Variants in CARD10 observed in about 807,000 individuals in gnomAD.
CARD10 encodes the protein caspase recruitment domain-containing protein 10.
In CARD10, 49 loss-of-function variants were observed where a neutral mutation model predicts 114.6. That is an observed-to-expected ratio of 0.43 (90% confidence interval 0.34 to 0.54). CARD10 has a LOEUF of 0.54. CARD10 is among the 20% of genes least tolerant of loss of function. The pLI, the probability that CARD10 is intolerant of heterozygous loss-of-function variation, is 0.03. For synonymous variants in CARD10, 602 were observed against 593.2 expected, an observed-to-expected ratio of 1.01 and a Z score of -0.21; for missense variants, 1,206 against 1,397.2, an observed-to-expected ratio of 0.86 and a Z score of 2.18.
chr22:37,497,730 G>T (rs759867945), intron 11 of CARD10, among the ~76,000 whole-genome samples: 40 of 152,038 alleles, frequency 2.6e-4, no homozygotes, highest in Non-Finnish European at 3.2e-4. Flanking sequence ...CGGGCGTGGT[G>T]GTGGGCGCCT....
rs774723864 is a variant in CARD10 at position 37,518,130 on chromosome 22, T to A, written c.236-22A>T. Reference sequence around the variant, plus strand: ...CGCCCTACAGAGTAGTGGGGGGATGTACCCAGGGTCTAGGGGAAGGCCTCC... The same window carrying A: ...CGCCCTACAGAGTAGTGGGGGGATGAACCCAGGGTCTAGGGGAAGGCCTCC... On this transcript the variant is annotated intron_variant, in intron 1 of 19. Coordinates refer to ENST00000251973, the MANE Select transcript of CARD10 (RefSeq NM_014550.4). 6 of 1,608,482 alleles carry A rather than the reference T, an allele frequency of 3.7e-6. No individual in the cohort carries two copies. In the African/African-American group the frequency reaches 6.7e-5, roughly 18 times the overall value.
Position 37,496,080 on chromosome 22 carries a change from C to T in CARD10, c.2060-77G>A, listed in dbSNP as rs993016583. 25 of 1,564,182 alleles carry T rather than the reference C, an allele frequency of 1.6e-5. No homozygotes were observed. The East Asian group carries it at 5.6e-4, about 35-fold the overall frequency. On this transcript the variant is annotated intron_variant, in intron 13 of 19. Transcript: ENST00000251973. This position sits in a 1 kb window ranked among gnomAD's most constrained non-coding sequence, Gnocchi z 4.1. ...AGGTCCAGGATCGGCCTTGGTGGGG[C>T]CAAAGACATGGCCCTCTCGAGGCCT... is the stretch of plus-strand genomic sequence containing the variant.
Position 37,502,632 on chromosome 22 carries a change from G to A in CARD10, c.1757C>T (p.Ala586Val). The A allele has an allele frequency of 6.2e-7, 1 of 1,613,930 alleles. No homozygotes were observed. Among genetic ancestry groups the A allele is most frequent in the South Asian group, 1.1e-5 (1 of 91,084 alleles). ...GAGGAAGTCCAGGCCACAGCCCCGAGCCAGGAGGCCTTCCGGCTTTCCCAA... is the reference window on the plus strand; with the variant it reads ...GAGGAAGTCCAGGCCACAGCCCCGAACCAGGAGGCCTTCCGGCTTTCCCAA... ...WPLGKPEGLL[A>V]RGCGLDFLNR... The change falls in exon 11 of 20, where the codon GCT becomes GTT. Residue 586 changes from alanine to valine, a missense_variant. Transcript: ENST00000251973.
rs113614786 is a variant in CARD10 at position 37,518,143 on chromosome 22, G to A, written c.236-35C>T. ...AGTGGGGGGATGTACCCAGGGTCTA[G>A]GGGAAGGCCTCCCCAGGTGCCTGGT... On this transcript the variant is annotated intron_variant, in intron 1 of 19. Transcript: ENST00000251973. 1.4e-5 allele frequency: 22 copies of A among 1,600,558 alleles called. No individual in the cohort carries two copies. In the African/African-American group the frequency reaches 1.7e-4, roughly 13 times the overall value.
At chr22:37,512,185 T>C (rs1210735410) in intron 3 of CARD10, 1 of 152,224 alleles carries the variant, frequency 6.6e-6, no homozygotes, top group African/African-American at 2.4e-5. Flanking sequence ...AGCTGTGGTG[T>C]GACCACCAAG....
intron 3 of CARD10, among the ~76,000 whole-genome samples, chr22:37,513,297 A>T (rs1006420136): frequency 1.3e-5 from 2 of 152,226 alleles, no homozygotes; most frequent in Admixed American, 6.5e-5. Flanking sequence ...TTTTTAGTAC[A>T]GACGGGGTTT....
chr22:37,507,700 C>T, intron 6 of CARD10, 129 bp downstream of exon 6: 1 of 1,180,862 alleles, frequency 8.5e-7, no homozygotes, highest in Non-Finnish European at 1.2e-6. Flanking sequence ...CCTTTGTGCC[C>T]CGTCCTAACC....
rs141109936 is a variant in CARD10, at chr22:37,496,475, G to A, written c.2033C>T (p.Thr678Ile). ...QRTLLWNQGS[T>I]LPSLMDSKAC... Reference sequence around the variant, plus strand: ...CTTCGAGTCCATCAGGGAGGGGAGTGTGGACCCCTGATTCCAGAGCAAGGT... The same window carrying A: ...CTTCGAGTCCATCAGGGAGGGGAGTATGGACCCCTGATTCCAGAGCAAGGT... Residue 678 changes from threonine to isoleucine, a missense_variant, in exon 13 of 20, where the codon ACA (threonine) becomes ATA (isoleucine). Thr to Ile is a moderately conservative substitution (Grantham distance 89). Coordinates refer to ENST00000251973, the MANE Select transcript of CARD10 (RefSeq NM_014550.4). The surrounding 1 kb of genome is among the most constrained non-coding windows in gnomAD (Gnocchi z 4.1). 4.5e-5 allele frequency: 72 copies of A among 1,613,444 alleles called. No individual in the cohort carries two copies. The highest frequency in any genetic ancestry group is 1.7e-4 in the Middle Eastern group (1 of 6,058).
intron 2 of CARD10, among the ~76,000 whole-genome samples, chr22:37,517,130 C>T (rs1281980779): frequency 6.6e-6 from 1 of 152,122 alleles, no homozygotes; most frequent in African/African-American, 2.4e-5. Flanking sequence ...GTTCCCGTAT[C>T]GTTGTAATAA....
At chr22:37,502,373 T>C (rs1923245284) in intron 11 of CARD10, among the ~76,000 whole-genome samples, 1 of 152,174 alleles carries the variant, frequency 6.6e-6, no homozygotes, top group Non-Finnish European at 1.5e-5. Context: ...ATCATCTCCC[T>C]TTAGCTACTG....
intron 4 of CARD10, among the ~76,000 whole-genome samples, chr22:37,509,548 C>T (rs1174670735): frequency 6.6e-6 from 1 of 152,050 alleles, no homozygotes; most frequent in African/African-American, 2.4e-5. Context: ...AAGCAAACAG[C>T]AAGAGGGCCT....
In CARD10 at chr22:37,494,077, C is replaced by A. The variant is rs1365742139; in HGVS notation, c.2476+9G>T. 5.9e-6 allele frequency: 9 copies of A among 1,537,992 alleles called. No individual in the cohort carries two copies. The highest frequency in any genetic ancestry group is 2.7e-5 in the African/African-American group (2 of 72,846). On this transcript the variant is annotated intron_variant, in intron 16 of 19. Transcript: ENST00000251973. ...AACACGGGATACAGCTTTGCCCCCG[C>A]GCACTCACCTGCACAGGGCTCCAGC...
rs1219877436 is a variant in CARD10 at position 37,504,519 on chromosome 22, C to T, written c.1518+116G>A. The stretch of plus-strand genomic sequence containing the variant: ...GGTGAGCTTCAGTAAAGTACTTGGC[C>T]TCCCTGCGCCTCAGTGTCCTCACCT... On this transcript the variant is annotated intron_variant, in intron 8 of 19. Coordinates refer to ENST00000251973, the MANE Select transcript of CARD10 (RefSeq NM_014550.4). 7 of 1,424,286 alleles carry T rather than the reference C, an allele frequency of 4.9e-6. No individual in the cohort carries two copies. In the Admixed American group the frequency reaches 8.3e-5, roughly 17 times the overall value. 88.2% of individuals were successfully genotyped at this position (1,424,286 alleles called of 1,614,324 possible). A position where few individuals can be genotyped will look rare whatever the true frequency, so the allele number is the denominator to read the frequency against.
rs758543476 is a variant in CARD10 at position 37,491,779 on chromosome 22, G to A, written c.2840C>T (p.Thr947Ile). 3.2e-6 allele frequency: 4 copies of A among 1,266,142 alleles called. No homozygotes were observed. Among genetic ancestry groups the A allele is most frequent in the South Asian group, 1.2e-5 (1 of 85,824 alleles). The allele number at this position is 1,266,142 out of a possible 1,614,324, so 78.4% of individuals were successfully genotyped here. Reference sequence around the variant, plus strand: ...CCTGACTTCCCGGACATTCTTCTCAGTCACCTCCACGTGGATGACGATGGG... The same window carrying A: ...CCTGACTTCCCGGACATTCTTCTCAATCACCTCCACGTGGATGACGATGGG... Reference protein sequence around the residue: ...IYPIVIHVEVTEKNVREVRGL... With the variant: ...IYPIVIHVEVIEKNVREVRGL... Residue 947 changes from threonine (T) to isoleucine (I), a missense_variant, in exon 19 of 20, where the codon ACT becomes ATT. Physicochemically the swap from Thr to Ile is moderately conservative, Grantham distance 89. Around this residue, in one of 2 missense-constraint regions of CARD10, gnomAD observed 1,068 missense variants for 1,179.1 expected, o/e 0.91. Transcript: ENST00000251973.
At chr22:37,512,552 A>C (rs1923699870) in intron 3 of CARD10, among the ~76,000 whole-genome samples, 1 of 150,244 alleles carries the variant, frequency 6.7e-6, no homozygotes, top group Non-Finnish European at 1.5e-5. Flanking sequence ...CAATTCTACA[A>C]ATTAACAGTC....
chr22:37,503,791 TC>T (rs1923304869), intron 9 of CARD10, among the ~76,000 whole-genome samples: 1 of 152,180 alleles, frequency 6.6e-6, no homozygotes, highest in East Asian at 1.9e-4. Flanking sequence ...CCTTGGTTTT[TC>T]TGGTCCCTAT....
chr22:37,510,698 C>G (rs537460887), intron 3 of CARD10: 18 of 455,648 alleles, frequency 4.0e-5, no homozygotes, highest in Non-Finnish European at 6.7e-5. Context: ...CATCACGACA[C>G]GCTGTCTGTC....
At position 37,502,731 on chromosome 22, in the gene CARD10, G is replaced by A. The variant is rs1275148790; in HGVS notation, c.1664-6C>T. 1 of 1,611,784 alleles carries A rather than the reference G, an allele frequency of 6.2e-7. No individual in the cohort carries two copies. The highest frequency in any genetic ancestry group is 8.5e-7 in the Non-Finnish European group (1 of 1,179,148). ...GGGCTTAAGTGTCACACTCCCTGGG[G>A]AAAAAGAATGAGGTTCAGGGATCTG... On this transcript the variant is annotated splice_polypyrimidine_tract_variant and splice_region_variant and intron_variant, in intron 10 of 19. Coordinates refer to ENST00000251973, the MANE Select transcript of CARD10 (RefSeq NM_014550.4).
At position 37,507,929 on chromosome 22, in the gene CARD10, C is replaced by T. The variant is rs199557110; in HGVS notation, c.1091G>A (p.Arg364Gln). 41 of 1,614,094 alleles carry T rather than the reference C, an allele frequency of 2.5e-5. 1 individual carries two copies. Among genetic ancestry groups the T allele is most frequent in the African/African-American group, 1.5e-4 (11 of 75,028 alleles). The change falls in exon 6 of 20, where the codon CGG becomes CAG. Residue 364 changes from arginine (R) to glutamine (Q), a missense_variant. By Grantham distance (43) the Arg-to-Gln change is conservative. Transcript: ENST00000251973. ...DQYLQEMEDL[R>Q]LKHRTLQKDC... ...CTTCTGCAGCGTGCGGTGCTTGAGCCGCAGGTCTTCCATCTCCTGCAGGTA... is the reference window on the plus strand; with the variant it reads ...CTTCTGCAGCGTGCGGTGCTTGAGCTGCAGGTCTTCCATCTCCTGCAGGTA...
Sources: allele counts gnomAD v4.1 joint callset (sites outside exome capture counted in the v4.1 genomes callset), GRCh38; gene constraint gnomAD v4.1.1; regional missense constraint gnomAD v4.1.1; non-coding constraint Gnocchi (gnomAD v3.1); transcripts MANE v1.5; gene names NCBI Gene and HGNC (gene_info 2026-07-23, HGNC 2026-07-21).